The following DNAH9 variants were observed in gnomAD, a reference collection of about 807,000 sequenced individuals.
The protein encoded by DNAH9 is dynein axonemal heavy chain 9.
DNAH9 carries 345 observed loss-of-function variants against 471.6 expected under a neutral mutation model. The observed-to-expected ratio is 0.73, with a 90% confidence interval of 0.67 to 0.80. The LOEUF (loss-of-function observed/expected upper bound fraction) is 0.80, where lower values mean the gene tolerates loss of function less well. Among genes scored for constraint, DNAH9 ranks in the 30% least tolerant of loss-of-function variants. The pLI, the probability that DNAH9 is intolerant of heterozygous loss-of-function variation, is 0.00. For missense variants in DNAH9, 5,407 were observed against 5,609.2 expected, an observed-to-expected ratio of 0.96 and a Z score of 1.15; for synonymous variants, 2,093 against 2,123.6, an observed-to-expected ratio of 0.99 and a Z score of 0.40.
At position 11,854,079 on chromosome 17, in the gene DNAH9, T is replaced by C; in HGVS notation, c.9584T>C (p.Leu3195Pro). 1 of 1,614,202 alleles carries C rather than the reference T, an allele frequency of 6.2e-7. No individual in the cohort carries two copies. The highest frequency in any genetic ancestry group is 8.5e-7 in the Non-Finnish European group (1 of 1,180,038). ...VSNVSAAVMV[L>P]MAPRGRVPKD... ...AATGTCAGCGCTGCGGTGATGGTACTGATGGCTCCCAGGGGTAGGGTGCCC... is the reference window on the plus strand; with the variant it reads ...AATGTCAGCGCTGCGGTGATGGTACCGATGGCTCCCAGGGGTAGGGTGCCC... Residue 3195 changes from leucine (L) to proline (P), a missense_variant, in exon 50 of 69, where the codon CTG (leucine) becomes CCG (proline). Leu to Pro is a moderately conservative substitution (Grantham distance 98). Around this residue, in one of 3 missense-constraint regions of DNAH9, gnomAD observed 4,636 missense variants for 4,900.3 expected, o/e 0.95. Transcript: ENST00000262442.
intron 50 of DNAH9, among the ~76,000 whole-genome samples, chr17:11,860,497 A>T (rs1971803823): frequency 6.6e-6 from 1 of 151,774 alleles, no homozygotes; most frequent in Non-Finnish European, 1.5e-5. Flanking sequence ...TTGAATTCTG[A>T]GTTGCTAATT....
chr17:11,619,631 T>C lies in DNAH9; in HGVS notation c.1200T>C (p.Thr400=). 6.2e-7 allele frequency: 1 copy of C among 1,614,106 alleles called. No homozygotes were observed. The highest frequency in any genetic ancestry group is 1.1e-5 in the South Asian group (1 of 91,074). Reference sequence around the variant, plus strand: ...GAAAACTGCAAGTGGTCTCAGACACTTTGAGCTTCTTCAAGCAAGAGTTTC... The same window carrying C: ...GAAAACTGCAAGTGGTCTCAGACACCTTGAGCTTCTTCAAGCAAGAGTTTC... ...SQRKLQVVSD[T]LSFFKQEFQD... The change falls in exon 6 of 69, where the codon ACT becomes ACC. Residue 400 remains threonine (T), a synonymous_variant. Transcript: ENST00000262442.
chr17:11,724,327 C>A (rs2075115670), intron 27 of DNAH9, among the ~76,000 whole-genome samples: 1 of 152,128 alleles, frequency 6.6e-6, no homozygotes, highest in African/African-American at 2.4e-5. Context: ...TAACCAACTT[C>A]TCTTCATTTT....
At chr17:11,803,661 A>G (rs1326224767) in intron 43 of DNAH9, among the ~76,000 whole-genome samples, 1 of 152,208 alleles carries the variant, frequency 6.6e-6, no homozygotes, top group Non-Finnish European at 1.5e-5. Context: ...ACGGTTGCAG[A>G]CTTAACCACA....
intron 67 of DNAH9, among the ~76,000 whole-genome samples, chr17:11,952,241 G>A (rs1269376003): frequency 7.2e-6 from 1 of 138,786 alleles, no homozygotes; most frequent in Non-Finnish European, 1.5e-5. Context: ...CTAGGTTCAA[G>A]CAATTCTTGT....
chr17:11,740,409 C>T (rs1266935928), intron 29 of DNAH9, among the ~76,000 whole-genome samples: 2 of 152,154 alleles, frequency 1.3e-5, no homozygotes, highest in African/African-American at 2.4e-5. Context: ...CGGTCAGGCT[C>T]TGGTGAGGGC....
chr17:11,708,937 T>A (rs1034333006), intron 26 of DNAH9, among the ~76,000 whole-genome samples: 1 of 152,152 alleles, frequency 6.6e-6, no homozygotes, highest in Non-Finnish European at 1.5e-5. Context: ...CTTGAGTGAA[T>A]GCAATGAAAT....
rs183492298 is a variant in DNAH9, at chr17:11,661,262, T to C, written c.2596-3571T>C. The stretch of plus-strand genomic sequence containing the variant: ...TTCCTATCTGATTCATTATTCTTAC[T>C]TTTTGTATTTTGCATCTTTTCCCAT... On this transcript the variant is annotated intron_variant, in intron 14 of 68. Coordinates refer to ENST00000262442, the MANE Select transcript of DNAH9 (RefSeq NM_001372.4). Among the ~76,000 whole-genome samples, 6 of 152,244 alleles carry C rather than the reference T, an allele frequency of 3.9e-5. No homozygotes were observed. The East Asian group carries it at 1.2e-3, about 29-fold the overall frequency.
chr17:11,777,581 A>C (rs556453263), intron 38 of DNAH9, among the ~76,000 whole-genome samples: 2 of 152,376 alleles, frequency 1.3e-5, no homozygotes, highest in African/African-American at 4.8e-5. Flanking sequence ...AGCTCATCAC[A>C]GTTCTGAATT....
Position 11,890,110 on chromosome 17 carries a change from TTAAA to T in DNAH9, c.11113-1663_11113-1660del, listed in dbSNP as rs1370847747. Reference sequence around the variant, plus strand: ...GAATTGTGAATCACTTTGTTTAAACTTAAATAACAAAGAGATTCTTCACTGATTA... The same window carrying T: ...GAATTGTGAATCACTTTGTTTAAACTTAACAAAGAGATTCTTCACTGATTA... On this transcript the variant is annotated intron_variant, in intron 57 of 68. Coordinates refer to ENST00000262442, the MANE Select transcript of DNAH9 (RefSeq NM_001372.4). 2.0e-5 allele frequency among the ~76,000 whole-genome samples: 3 copies of T among 152,328 alleles called. No individual in the cohort carries two copies. The East Asian group carries it at 5.8e-4, about 29-fold the overall frequency.
intron 43 of DNAH9, among the ~76,000 whole-genome samples, chr17:11,800,795 T>C (rs1444327628): frequency 6.6e-6 from 1 of 152,194 alleles, no homozygotes; most frequent in East Asian, 1.9e-4. Flanking sequence ...ATCCAACATA[T>C]ATTTATTGAT....
At chr17:11,952,999 A>C (rs1041544501) in intron 67 of DNAH9, among the ~76,000 whole-genome samples, 3 of 152,160 alleles carry the variant, frequency 2.0e-5, no homozygotes, top group African/African-American at 4.8e-5. Context: ...GAGCCAGAAA[A>C]GGGGAAAGTG....
intron 50 of DNAH9, among the ~76,000 whole-genome samples, chr17:11,863,473 TAAA>T (rs1057108735): frequency 2.0e-5 from 3 of 152,202 alleles, no homozygotes; most frequent in African/African-American, 7.2e-5. Flanking sequence ...GATATTGGTC[TAAA>T]ATTCTCTTTT....
chr17:11,946,845 A>C (rs1017409672), intron 67 of DNAH9, among the ~76,000 whole-genome samples: 1 of 152,342 alleles, frequency 6.6e-6, no homozygotes, highest in South Asian at 2.1e-4. Context: ...TAGCCAACAC[A>C]TTAATTGGAC....
At chr17:11,917,049 G>A (rs1973982307) in intron 61 of DNAH9, among the ~76,000 whole-genome samples, 1 of 152,192 alleles carries the variant, frequency 6.6e-6, no homozygotes, top group Admixed American at 6.5e-5. Flanking sequence ...GGAGGGGAAG[G>A]AAAGGAAAGT....
chr17:11,886,169 C>T (rs1163019206), intron 56 of DNAH9, among the ~76,000 whole-genome samples: 1 of 151,944 alleles, frequency 6.6e-6, no homozygotes, highest in Non-Finnish European at 1.5e-5. Flanking sequence ...CTAAAAATAA[C>T]AAAAATTAGT....
intron 57 of DNAH9, among the ~76,000 whole-genome samples, chr17:11,887,191 C>T (rs946033754): frequency 2.0e-5 from 3 of 152,106 alleles, no homozygotes; most frequent in African/African-American, 7.2e-5. Context: ...CAGAACAGGA[C>T]ACCACAGCAA....
At chr17:11,933,543 G>C (rs1212113811) in intron 64 of DNAH9, among the ~76,000 whole-genome samples, 1 of 151,942 alleles carries the variant, frequency 6.6e-6, no homozygotes, top group Non-Finnish European at 1.5e-5. Context: ...ACCACACCCA[G>C]CTAATTTTGT....
At chr17:11,831,860 CTCAG>C (rs1490320379) in intron 48 of DNAH9, among the ~76,000 whole-genome samples, 1 of 152,174 alleles carries the variant, frequency 6.6e-6, no homozygotes, top group Non-Finnish European at 1.5e-5. Context: ...TGTCATCCCA[CTCAG>C]TCAGCACCAT....
Sources: gnomAD v4.1 joint callset for allele counts (sites outside exome capture counted in the v4.1 genomes callset) on GRCh38, gnomAD v4.1.1 for gene constraint, gnomAD v4.1.1 regional missense constraint, MANE v1.5 for transcripts, NCBI Gene and HGNC (gene_info 2026-07-23, HGNC 2026-07-21) for gene names.